Variants in ASIC2 observed in about 807,000 individuals in gnomAD.
The protein encoded by ASIC2 is acid sensing ion channel subunit 2.
Under a neutral mutation model 57.3 loss-of-function variants are expected in ASIC2, and 25 were observed. The observed-to-expected ratio is 0.44, with a 90% confidence interval of 0.32 to 0.61. The LOEUF (loss-of-function observed/expected upper bound fraction) is 0.61. Among genes scored for constraint, ASIC2 ranks in the 20% least tolerant of loss-of-function variants. The probability of loss-of-function intolerance (pLI) is 0.06; values close to 1 mark genes in which losing one functional copy is unlikely to be tolerated. For missense variants in ASIC2, 641 were observed against 738.1 expected (o/e 0.87, Z 1.52); for synonymous variants, 319 against 307.5 (o/e 1.04, Z -0.39).
intron 1 of ASIC2, among the ~76,000 whole-genome samples, chr17:34,031,893 A>G (rs528924897): frequency 6.6e-6 from 1 of 152,372 alleles, no homozygotes; most frequent in East Asian, 1.9e-4. Context: ...TGATTGATTT[A>G]CCTGAAAGTG....
intron 1 of ASIC2, among the ~76,000 whole-genome samples, chr17:33,425,306 A>T (rs538285311): frequency 6.6e-6 from 1 of 152,362 alleles, no homozygotes; most frequent in South Asian, 2.1e-4. Flanking sequence ...AGGAAACAGA[A>T]GAAGGAGAAA....
rs186226858 is a variant in ASIC2, at chr17:33,972,976, A to G, written c.555+183002T>C. Among the ~76,000 whole-genome samples, 9 of 152,352 alleles carry G rather than the reference A, an allele frequency of 5.9e-5. No individual in the cohort carries two copies. In the East Asian group the frequency reaches 1.5e-3, roughly 26 times the overall value. ...ACTGAAAGAGGGATGTGCTGACAGA[A>G]CTAACCCAGGTCAGGTGGTCAGCAC... On this transcript the variant is annotated intron_variant, in intron 1 of 9. Coordinates refer to the ASIC2 transcript ENST00000359872.
chr17:33,411,381 T>C (rs1910654112), intron 1 of ASIC2, among the ~76,000 whole-genome samples: 1 of 152,218 alleles, frequency 6.6e-6, no homozygotes, highest in African/African-American at 2.4e-5. Flanking sequence ...ATGAATATCA[T>C]TGCAACTCAG....
intron 1 of ASIC2, among the ~76,000 whole-genome samples, chr17:33,344,468 T>A (rs576210600): frequency 3.6e-4 from 55 of 152,172 alleles, no homozygotes; most frequent in Non-Finnish European, 7.3e-4. Context: ...AATCAGCTTC[T>A]AGTGAAGGAA....
At chr17:33,375,845 C>G (rs1340608773) in intron 1 of ASIC2, among the ~76,000 whole-genome samples, 1 of 151,898 alleles carries the variant, frequency 6.6e-6, no homozygotes, top group Non-Finnish European at 1.5e-5. Context: ...ACTGAAAGTG[C>G]TCAGGAAACC....
rs1188356208 is a variant in ASIC2, at chr17:33,013,324, T to A, written c.*641A>T. 1 of 154,070 alleles carries A rather than the reference T, an allele frequency of 6.5e-6. No homozygotes were observed. Among genetic ancestry groups the A allele is most frequent in the Admixed American group, 6.3e-5 (1 of 15,764 alleles). 9.5% of individuals were successfully genotyped at this position (154,070 alleles called of 1,614,324 possible). On this transcript the variant is annotated 3_prime_UTR_variant, in exon 10 of 10. Coordinates refer to ENST00000225823, the MANE Select transcript of ASIC2 (RefSeq NM_183377.2). ...GGAGAGAAGAACGACATGGGCACCA[T>A]GGGTGAACACAGGCGTCCCCCACCC...
At chr17:33,503,287 C>G (rs932136281) in intron 1 of ASIC2, among the ~76,000 whole-genome samples, 1 of 152,118 alleles carries the variant, frequency 6.6e-6, no homozygotes, top group South Asian at 2.1e-4. Context: ...CAAAATGCTA[C>G]TTTCTCTATT....
intron 1 of ASIC2, among the ~76,000 whole-genome samples, chr17:33,502,709 GTTC>G (rs925451348): frequency 7.9e-5 from 12 of 152,184 alleles, no homozygotes; most frequent in Admixed American, 4.6e-4. Flanking sequence ...CATGAAATCA[GTTC>G]TTCTTTTTCT....
chr17:33,404,206 T>A lies in ASIC2; in HGVS notation c.556-292139A>T, dbSNP rs12950864. On this transcript the variant is annotated intron_variant, in intron 1 of 9. Coordinates refer to the ASIC2 transcript ENST00000359872. ...GGGACTAGGAGTGACTGCAAATTAA[T>A]GAACATGGGATTTGTTTCTGGGGTG... is the stretch of plus-strand genomic sequence containing the variant. Among the ~76,000 whole-genome samples the A allele has an allele frequency of 5.9e-3, 904 of 152,286 alleles. 9 individuals carry two copies. Among genetic ancestry groups the A allele is most frequent in the African/African-American group, 0.021 (855 of 41,556 alleles).
In ASIC2 at chr17:33,436,927, G is replaced by A. The variant is rs62068470; in HGVS notation, c.556-324860C>T. On this transcript the variant is annotated intron_variant, in intron 1 of 9. Transcript: ENST00000359872. The stretch of plus-strand genomic sequence containing the variant: ...GTCGCCCAGGCTGGAGTGCAGTGGC[G>A]CGATCTCGGCTCACTGCAAGCTCCG... Among the ~76,000 whole-genome samples the A allele has an allele frequency of 2.2e-3, 290 of 132,886 alleles. 1 individual carries two copies. Among genetic ancestry groups the A allele is most frequent in the African/African-American group, 7.4e-3 (264 of 35,588 alleles). 87.2% of individuals were successfully genotyped at this position (132,886 alleles called of 152,430 possible). A position where few individuals can be genotyped will look rare whatever the true frequency, so the allele number is the denominator to read the frequency against.
rs1427194243 is a variant in ASIC2, at chr17:34,039,505, C to T, written c.555+116473G>A. 23 of 1,613,790 alleles carry T rather than the reference C, an allele frequency of 1.4e-5. No individual in the cohort carries two copies. In the African/African-American group the frequency reaches 2.4e-4, roughly 17 times the overall value. ...TAAACCATAGAGGGGCTGTTCTACT[C>T]GTCGCGGTAAGGGATTGGATAAGGA... is the stretch of plus-strand genomic sequence containing the variant. On this transcript the variant is annotated intron_variant, in intron 1 of 9. Coordinates refer to the ASIC2 transcript ENST00000359872.
intron 1 of ASIC2, among the ~76,000 whole-genome samples, chr17:33,233,760 A>C (rs1908196036): frequency 6.6e-6 from 1 of 152,140 alleles, no homozygotes; most frequent in Non-Finnish European, 1.5e-5. Flanking sequence ...CTTTAAAAAG[A>C]ATCCCTCGTT....
chr17:33,151,152 C>G (rs2142029485), intron 1 of ASIC2, among the ~76,000 whole-genome samples: 1 of 150,796 alleles, frequency 6.6e-6, no homozygotes, highest in East Asian at 2.0e-4. Context: ...ATGGTGAAAC[C>G]CCATCTCTAC....
At position 33,157,795 on chromosome 17, in the gene ASIC2, C is replaced by T. The variant is rs191555577; in HGVS notation, c.709-45728G>A. Among the ~76,000 whole-genome samples the T allele has an allele frequency of 5.1e-3, 784 of 152,292 alleles. 3 individuals are homozygous for T. The highest frequency in any genetic ancestry group is 8.8e-3 in the Non-Finnish European group (600 of 68,020). On this transcript the variant is annotated intron_variant, in intron 1 of 9. Transcript: ENST00000225823. ...AGCTGGAGTGCTAATAACGTTTCCC[C>T]GACACTGCCCTCCCATGGCTTCCAT...
intron 1 of ASIC2, among the ~76,000 whole-genome samples, chr17:33,236,300 G>T (rs1157639767): frequency 2.6e-5 from 4 of 151,954 alleles, no homozygotes; most frequent in Admixed American, 2.6e-4. Flanking sequence ...TGTCCACCTG[G>T]AACCTTGAAA....
At chr17:33,201,307 G>A (rs934663880) in intron 1 of ASIC2, among the ~76,000 whole-genome samples, 2 of 152,238 alleles carry the variant, frequency 1.3e-5, no homozygotes, top group South Asian at 2.1e-4. Context: ...ATGAATGAAC[G>A]AATGTCTTCT....
At chr17:33,696,589 T>C (rs1017790984) in intron 1 of ASIC2, among the ~76,000 whole-genome samples, 2 of 152,182 alleles carry the variant, frequency 1.3e-5, no homozygotes, top group Non-Finnish European at 2.9e-5. Context: ...GGTCTATACA[T>C]TTTTCCGTTC....
At chr17:33,691,060 T>C (rs1908352488) in intron 1 of ASIC2, among the ~76,000 whole-genome samples, 1 of 152,192 alleles carries the variant, frequency 6.6e-6, no homozygotes, top group South Asian at 2.1e-4. Flanking sequence ...AGACAGTTAC[T>C]TTTCATTCTT....
intron 1 of ASIC2, among the ~76,000 whole-genome samples, chr17:33,714,302 A>G (rs1909143099): frequency 6.6e-6 from 1 of 152,226 alleles, no homozygotes; most frequent in South Asian, 2.1e-4. Flanking sequence ...ATGTAAAAGA[A>G]CGTTCATTGC....
Sources: gnomAD v4.1 joint callset for allele counts (sites outside exome capture counted in the v4.1 genomes callset) on GRCh38, gnomAD v4.1.1 for gene constraint, MANE v1.5 for transcripts, NCBI Gene and HGNC (gene_info 2026-07-23, HGNC 2026-07-21) for gene names.